Variants in RERE observed in about 807,000 individuals in gnomAD.
RERE encodes the protein arginine-glutamic acid dipeptide repeats, also known as arginine-glutamic acid dipeptide repeats protein.
A neutral mutation model predicts 146.1 loss-of-function variants in RERE; 40 were observed. That is an observed-to-expected ratio of 0.27 (90% CI 0.21 to 0.36). The LOEUF is 0.36. Ranked by LOEUF, RERE falls within the 10% of genes least tolerant of loss-of-function variation. The probability of loss-of-function intolerance (pLI) is 1.00; values close to 1 mark genes in which losing one functional copy is unlikely to be tolerated. For missense variants in RERE, 1,933 were observed against 2,138.7 expected, an observed-to-expected ratio of 0.90 and a Z score of 1.90; for synonymous variants, 1,003 against 866.0, an observed-to-expected ratio of 1.16 and a Z score of -2.78.
chr1:8,448,276 G>A (rs892640937), intron 11 of RERE, among the ~76,000 whole-genome samples: 2 of 152,156 alleles, frequency 1.3e-5, no homozygotes, highest in African/African-American at 2.4e-5. Flanking sequence ...CTTAGTGAGA[G>A]GACCAATGAC....
intron 8 of RERE, among the ~76,000 whole-genome samples, chr1:8,499,740 T>C (rs1451841734): frequency 6.6e-6 from 1 of 152,278 alleles, no homozygotes; most frequent in Non-Finnish European, 1.5e-5. Flanking sequence ...GATGTTCTTC[T>C]TTGGTTAAGT....
chr1:8,736,251 G>T (rs1248852071), intron 1 of RERE, among the ~76,000 whole-genome samples: 1 of 152,170 alleles, frequency 6.6e-6, no homozygotes, highest in East Asian at 1.9e-4. Flanking sequence ...CTGTTGCCCA[G>T]GCTGGAGTGC....
chr1:8,553,172 C>G (rs540978912), intron 6 of RERE, among the ~76,000 whole-genome samples: 33 of 151,400 alleles, frequency 2.2e-4, no homozygotes, highest in African/African-American at 8.0e-4. Flanking sequence ...CATGCGTGTG[C>G]GACACACCAC....
intron 10 of RERE, among the ~76,000 whole-genome samples, chr1:8,468,509 A>T (rs1312385181): frequency 6.6e-6 from 1 of 152,258 alleles, no homozygotes; most frequent in Non-Finnish European, 1.5e-5. Context: ...AATGAAGTTG[A>T]TCAAATCATA....
At chr1:8,562,373 G>A (rs1570441908) in intron 4 of RERE, among the ~76,000 whole-genome samples, 1 of 152,144 alleles carries the variant, frequency 6.6e-6, no homozygotes, top group East Asian at 1.9e-4. Context: ...ATTTCAAACA[G>A]AATGCAGAAT....
intron 11 of RERE, among the ~76,000 whole-genome samples, chr1:8,455,495 G>GT (rs1644443785): frequency 2.0e-5 from 3 of 152,080 alleles, no homozygotes; most frequent in Admixed American, 2.0e-4. Flanking sequence ...CAATGAACGA[G>GT]TTTTTTTAAT....
intron 1 of RERE, among the ~76,000 whole-genome samples, chr1:8,719,156 T>C (rs535376430): frequency 1.3e-5 from 2 of 152,202 alleles, no homozygotes; most frequent in Admixed American, 6.5e-5. Context: ...AAGGAGTGTG[T>C]CCGGACAGAT....
intron 12 of RERE, among the ~76,000 whole-genome samples, chr1:8,416,423 A>G (rs1381571656): frequency 6.6e-6 from 1 of 151,980 alleles, no homozygotes; most frequent in African/African-American, 2.4e-5. Context: ...CGTCTCTACT[A>G]AAAACACAAA....
At chr1:8,791,028 G>A (rs1641354878) in intron 1 of RERE, among the ~76,000 whole-genome samples, 1 of 152,302 alleles carries the variant, frequency 6.6e-6, no homozygotes, top group African/African-American at 2.4e-5. Flanking sequence ...TATAACGTCT[G>A]AGAAATATTC....
At chr1:8,369,471 G>T (rs1641940817) in intron 12 of RERE, among the ~76,000 whole-genome samples, 1 of 137,628 alleles carries the variant, frequency 7.3e-6, no homozygotes, top group African/African-American at 2.8e-5. Flanking sequence ...CAGGCAACTG[G>T]TTTCTCTTCA....
chr1:8,551,325 C>A (rs1314838696), intron 6 of RERE, among the ~76,000 whole-genome samples: 1 of 152,164 alleles, frequency 6.6e-6, no homozygotes, highest in East Asian at 1.9e-4. Flanking sequence ...AGCAATCACT[C>A]CAGATCCTTG....
chr1:8,791,230 G>T (rs1040217749), intron 1 of RERE, among the ~76,000 whole-genome samples: 1 of 152,164 alleles, frequency 6.6e-6, no homozygotes, highest in Non-Finnish European at 1.5e-5. Flanking sequence ...ACACCAACTT[G>T]TTAACTCCCT....
intron 8 of RERE, among the ~76,000 whole-genome samples, chr1:8,507,094 A>AT (rs1186001615): frequency 5.9e-5 from 9 of 152,148 alleles, no homozygotes; most frequent in Admixed American, 4.6e-4. Context: ...CAGTGAAAGC[A>AT]TCCTAACTGA....
chr1:8,434,473 A>G (rs1021457443), intron 11 of RERE, among the ~76,000 whole-genome samples: 3 of 152,182 alleles, frequency 2.0e-5, no homozygotes, highest in Non-Finnish European at 4.4e-5. Context: ...AAATCTTTAC[A>G]TTTGTGACAA....
intron 1 of RERE, among the ~76,000 whole-genome samples, chr1:8,737,497 C>T (rs914058042): frequency 6.6e-6 from 1 of 152,006 alleles, no homozygotes; most frequent in African/African-American, 2.4e-5. Flanking sequence ...CTTCCGTTGT[C>T]GAACCTTTGA....
intron 2 of RERE, among the ~76,000 whole-genome samples, chr1:8,629,340 G>A (rs1432582498): frequency 6.6e-6 from 1 of 152,134 alleles, no homozygotes; most frequent in East Asian, 1.9e-4. Flanking sequence ...CCGTAATTTG[G>A]GCAATGATAC....
chr1:8,783,805 C>T (rs1641211235), intron 1 of RERE, among the ~76,000 whole-genome samples: 1 of 152,156 alleles, frequency 6.6e-6, no homozygotes, highest in African/African-American at 2.4e-5. Context: ...TACCGGTGAA[C>T]ATCTACCTCA....
At chr1:8,617,087 G>A (rs1158662404) in intron 3 of RERE, among the ~76,000 whole-genome samples, 1 of 152,098 alleles carries the variant, frequency 6.6e-6, no homozygotes, top group Non-Finnish European at 1.5e-5. Flanking sequence ...GTTCATGCCT[G>A]TAATCCCAAC....
intron 1 of RERE, among the ~76,000 whole-genome samples, chr1:8,659,130 C>T (rs1638396424): frequency 6.6e-6 from 1 of 152,160 alleles, no homozygotes; most frequent in African/African-American, 2.4e-5. Context: ...CCAGATGAAC[C>T]GTCTGCTAAA....
Sources: allele counts gnomAD v4.1 joint callset (sites outside exome capture counted in the v4.1 genomes callset), GRCh38; gene constraint gnomAD v4.1.1; transcripts MANE v1.5; gene names NCBI Gene and HGNC (gene_info 2026-07-23, HGNC 2026-07-21).